The following CDH26 variants were observed in gnomAD, a reference collection of about 807,000 sequenced individuals.
CDH26 encodes the protein cadherin-like protein 26.
In CDH26, 83 loss-of-function variants were observed where a neutral mutation model predicts 90.3. The observed-to-expected ratio is 0.92, with a 90% CI of 0.77 to 1.10. CDH26 has a LOEUF of 1.10. CDH26 is among the 50% of genes least tolerant of loss of function. CDH26 has a pLI of 0.00. For synonymous variants in CDH26, 397 were observed against 396.3 expected, an observed-to-expected ratio of 1.00 and a Z score of -0.02; for missense variants, 1,013 against 1,037.6, an observed-to-expected ratio of 0.98 and a Z score of 0.33.
intron 8 of CDH26, among the ~76,000 whole-genome samples, chr20:59,987,844 T>C (rs1235270086): frequency 6.6e-6 from 1 of 152,198 alleles, no homozygotes; most frequent in East Asian, 1.9e-4. Context: ...CAAAATGATA[T>C]CAATAATAAA....
intron 10 of CDH26, 147 bp from the exon 11 acceptor site, chr20:59,994,103 G>A (rs1026657237): frequency 3.1e-5 from 31 of 1,002,348 alleles, no homozygotes; most frequent in Non-Finnish European, 3.8e-5. Flanking sequence ...AACAGATCAC[G>A]TGCATGCCAG....
At chr20:60,026,171 G>T (rs2061995378) in intron 7 of CDH26, among the ~76,000 whole-genome samples, 1 of 152,158 alleles carries the variant, frequency 6.6e-6, no homozygotes, top group Non-Finnish European at 1.5e-5. Context: ...TTTATCGTTT[G>T]TTTCCCTATG....
At chr20:60,018,700 G>GC (rs2061926773), downstream of CDH26, among the ~76,000 whole-genome samples, 1 of 35,610 alleles carries the variant, frequency 2.8e-5, no homozygotes, top group Non-Finnish European at 5.8e-5. Flanking sequence ...CTCTCTTACT[G>GC]CCTTTTTTTT....
Position 59,967,861 on chromosome 20 carries a change from CTTTCTT to C in CDH26, c.70-1104_70-1099del, listed in dbSNP as rs1329948020. 1.3e-3 allele frequency among the ~76,000 whole-genome samples: 139 copies of C among 108,182 alleles called. 3 individuals carry two copies. Among genetic ancestry groups the C allele is most frequent in the African/African-American group, 6.7e-3 (134 of 19,992 alleles). 71.0% of individuals were successfully genotyped at this position (108,182 alleles called of 152,430 possible). A position where few individuals can be genotyped will look rare whatever the true frequency, so the allele number is the denominator to read the frequency against. On this transcript the variant is annotated intron_variant, in intron 1 of 17. Transcript: ENST00000348616. ...TCTTTCTTTCTTTCTTTCTTTCTTT[CTTTCTT>C]TCTTTCTTTCTTCCTTCCTTCCTTC...
intron 17 of CDH26, among the ~76,000 whole-genome samples, chr20:60,008,006 C>A (rs998437195): frequency 6.6e-6 from 1 of 152,146 alleles, no homozygotes; most frequent in African/African-American, 2.4e-5. Flanking sequence ...GGCAGGTTTA[C>A]ATGGATAGGG....
intron 4 of CDH26, among the ~76,000 whole-genome samples, chr20:59,976,473 A>T (rs2061329578): frequency 1.3e-5 from 2 of 152,246 alleles, no homozygotes; most frequent in African/African-American, 2.4e-5. Flanking sequence ...TAAAATAATA[A>T]ACATAAAACA....
chr20:59,987,520 A>T lies in CDH26; in HGVS notation c.905A>T (p.Asp302Val). The change falls in exon 8 of 18, where the codon GAT (aspartate) becomes GTT (valine). Residue 302 changes from aspartate to valine, a missense_variant. Transcript: ENST00000348616. ...GVLRLLVQDR[D>V]SPFTSAWRAK... is the part of the protein sequence containing the mutation. ...TTGCGTCTCCTGGTTCAAGATCGAG[A>T]TTCTCCATTTACATCAGCTTGGAGA... 1 of 1,613,980 alleles carries T rather than the reference A, an allele frequency of 6.2e-7. No homozygotes were observed. The highest frequency in any genetic ancestry group is 8.5e-7 in the Non-Finnish European group (1 of 1,179,970).
intron 4 of CDH26, among the ~76,000 whole-genome samples, chr20:59,972,661 A>G (rs889426503): frequency 6.6e-6 from 1 of 152,190 alleles, no homozygotes; most frequent in South Asian, 2.1e-4. Context: ...AAAGCCCTGA[A>G]CCATGTATCA....
At chr20:60,007,949 A>C (rs575428354) in intron 17 of CDH26, among the ~76,000 whole-genome samples, 9 of 152,082 alleles carry the variant, frequency 5.9e-5, no homozygotes, top group Non-Finnish European at 1.3e-4. Flanking sequence ...GCCACTGCGT[A>C]CTCCTGGGAA....
intron 4 of CDH26, among the ~76,000 whole-genome samples, chr20:59,977,775 C>T (rs1160384850): frequency 6.6e-6 from 1 of 151,326 alleles, no homozygotes; most frequent in Middle Eastern, 3.2e-3. Flanking sequence ...CAGTATTTTA[C>T]ATGACTATTA....
At chr20:59,980,117 G>T (rs946280225) in intron 4 of CDH26, among the ~76,000 whole-genome samples, 4 of 152,150 alleles carry the variant, frequency 2.6e-5, no homozygotes, top group Admixed American at 6.5e-5. Flanking sequence ...ATCTTTGGCT[G>T]CACTTAGTAT....
chr20:60,004,022 G>T (rs1014152225), intron 16 of CDH26, among the ~76,000 whole-genome samples: 1 of 152,196 alleles, frequency 6.6e-6, no homozygotes, highest in African/African-American at 2.4e-5. Flanking sequence ...AGGGTACTTT[G>T]TACATAGCCC....
At position 59,996,069 on chromosome 20, in the gene CDH26, G is replaced by A. The variant is rs1308207018; in HGVS notation, c.1888+15G>A. The A allele has an allele frequency of 3.7e-6, 6 of 1,607,798 alleles. No homozygotes were observed. The highest frequency in any genetic ancestry group is 1.1e-5 in the South Asian group (1 of 90,900). ...GGCTCTGGCAGGTCAGTGGTCTGTA[G>A]GGGTGTCCTGGGACTGTGGCTCCTC... is the stretch of plus-strand genomic sequence containing the variant. On this transcript the variant is annotated intron_variant, in intron 12 of 17. Transcript: ENST00000348616.
chr20:60,027,704 G>A (rs1257105243), intron 7 of CDH26, among the ~76,000 whole-genome samples: 1 of 152,208 alleles, frequency 6.6e-6, no homozygotes, highest in Non-Finnish European at 1.5e-5. Flanking sequence ...AGCAGGATCT[G>A]CAGTGATGAA....
Position 59,984,811 on chromosome 20 carries a change from G to A in CDH26, c.708+6G>A, listed in dbSNP as rs367645805. On this transcript the variant is annotated splice_donor_region_variant and intron_variant, in intron 6 of 17. Coordinates refer to ENST00000348616, the MANE Select transcript of CDH26 (RefSeq NM_177980.4). ...CTGGCTGCTTAGATTATGAGGTTAT[G>A]TGGATTTTATTATTTTTTTTAAATG... 1.0e-4 allele frequency: 167 copies of A among 1,596,342 alleles called. No homozygotes were observed. The highest frequency in any genetic ancestry group is 1.4e-4 in the Non-Finnish European group (166 of 1,174,282).
intron 17 of CDH26, among the ~76,000 whole-genome samples, chr20:60,010,812 C>T (rs1332377621): frequency 6.6e-6 from 1 of 151,546 alleles, no homozygotes; most frequent in African/African-American, 2.5e-5. Context: ...GAGCAGGCAC[C>T]TCTGGCTCAC....
intron 8 of CDH26, among the ~76,000 whole-genome samples, chr20:59,987,988 A>G (rs1277562222): frequency 6.6e-6 from 1 of 152,234 alleles, no homozygotes; most frequent in Non-Finnish European, 1.5e-5. Context: ...ATTTTCTTCA[A>G]CACTAAAAGT....
intron 2 of CDH26, 47 bp from the exon 3 acceptor site, chr20:59,970,035 A>G (rs2061235121): frequency 6.3e-7 from 1 of 1,590,902 alleles, no homozygotes; most frequent in African/African-American, 1.3e-5. Context: ...CCTGGCTGTG[A>G]GCATCACTGC....
chr20:60,012,605 G>A lies in CDH26; in HGVS notation c.2374G>A (p.Gly792Arg). ...HVYSEEGECG[G>R]APSLSSLASL... Reference sequence around the variant, plus strand: ...CTACAGCGAGGAAGGGGAGTGTGGAGGGGCCCCATCCCTCAGCTCTCTGGC... The same window carrying A: ...CTACAGCGAGGAAGGGGAGTGTGGAAGGGCCCCATCCCTCAGCTCTCTGGC... Residue 792 changes from glycine to arginine, a missense_variant, in exon 18 of 18, where the codon GGG becomes AGG. Gly to Arg is a moderately radical substitution (Grantham distance 125). Coordinates refer to ENST00000348616, the MANE Select transcript of CDH26 (RefSeq NM_177980.4). 6.2e-7 allele frequency: 1 copy of A among 1,614,184 alleles called. No individual in the cohort carries two copies. Among genetic ancestry groups the A allele is most frequent in the Non-Finnish European group, 8.5e-7 (1 of 1,180,042 alleles).
Sources: gnomAD v4.1 joint callset for allele counts (sites outside exome capture counted in the v4.1 genomes callset) on GRCh38, gnomAD v4.1.1 for gene constraint, MANE v1.5 for transcripts, NCBI Gene and HGNC (gene_info 2026-07-23, HGNC 2026-07-21) for gene names.